Variants in CPXM2 observed in about 807,000 individuals in gnomAD.
CPXM2 encodes the protein inactive carboxypeptidase-like protein X2.
In CPXM2, 66 loss-of-function variants were observed where a neutral mutation model predicts 86.1. The observed-to-expected ratio is 0.77, with a 90% CI of 0.63 to 0.94. CPXM2 has a LOEUF of 0.94. CPXM2 is among the 40% of genes least tolerant of loss of function. The probability of loss-of-function intolerance (pLI) is 0.00; values close to 1 mark genes in which losing one functional copy is unlikely to be tolerated. For missense variants in CPXM2, 948 were observed against 1,026.3 expected (o/e 0.92, Z 1.04); for synonymous variants, 388 against 400.2 (o/e 0.97, Z 0.36).
chr10:123,788,770 T>G (rs1206248343), intron 6 of CPXM2, among the ~76,000 whole-genome samples: 2 of 151,840 alleles, frequency 1.3e-5, no homozygotes, highest in African/African-American at 4.8e-5. Flanking sequence ...GACAAAGTTT[T>G]GAAACTAGAG....
At chr10:123,774,961 T>C (rs932475626) in intron 7 of CPXM2, among the ~76,000 whole-genome samples, 1 of 152,228 alleles carries the variant, frequency 6.6e-6, no homozygotes, top group Non-Finnish European at 1.5e-5. Flanking sequence ...TCCATTTCTC[T>C]ACTAAGTCTC....
At chr10:123,859,359 T>C (rs1274794996) in intron 3 of CPXM2, among the ~76,000 whole-genome samples, 1 of 152,260 alleles carries the variant, frequency 6.6e-6, no homozygotes, top group Non-Finnish European at 1.5e-5. Context: ...TCACACTGCA[T>C]GTGGCACTGG....
chr10:123,918,303 G>C (rs983086815), intron 2 of CPXM2, among the ~76,000 whole-genome samples: 1 of 152,206 alleles, frequency 6.6e-6, no homozygotes, highest in Admixed American at 6.5e-5. Context: ...ATGCAGCCAT[G>C]AAAAATAACT....
chr10:123,880,828 CA>C (rs71484548), intron 1 of CPXM2, among the ~76,000 whole-genome samples: 86 of 53,992 alleles, frequency 1.6e-3, no homozygotes, highest in East Asian at 0.013. Context: ...GATTCCGTCT[CA>C]AAAAAAAAAA....
chr10:123,829,363 C>T (rs1171932407), intron 4 of CPXM2, among the ~76,000 whole-genome samples: 5 of 144,560 alleles, frequency 3.5e-5, no homozygotes, highest in African/African-American at 1.1e-4. Flanking sequence ...GTATAACCAA[C>T]GTGGAAAAAA....
upstream of CPXM2, among the ~76,000 whole-genome samples, chr10:123,895,119 TTC>T (rs1157197386): frequency 3.6e-4 from 44 of 121,286 alleles, no homozygotes; most frequent in Non-Finnish European, 1.1e-4. Flanking sequence ...TTTCTTTTTT[TTC>T]TTTTTTTTTT....
chr10:123,751,349 G>A (rs1156792401), intron 13 of CPXM2: 1 of 237,376 alleles, frequency 4.2e-6, no homozygotes, highest in Non-Finnish European at 6.8e-6. Flanking sequence ...GGAGACATAA[G>A]TAAACAAATT....
chr10:123,926,592 G>A (rs969692052), intron 2 of CPXM2, among the ~76,000 whole-genome samples: 5 of 152,210 alleles, frequency 3.3e-5, no homozygotes, highest in African/African-American at 7.2e-5. Flanking sequence ...AGCTGACCAC[G>A]CAAAACGGTT....
intron 2 of CPXM2, among the ~76,000 whole-genome samples, chr10:123,878,758 G>A (rs1413031123): frequency 6.6e-6 from 1 of 152,102 alleles, no homozygotes; most frequent in Non-Finnish European, 1.5e-5. Context: ...AGAAGTACCA[G>A]GATCCAATCT....
chr10:123,882,313 G>A (rs1412626564), intron 1 of CPXM2, among the ~76,000 whole-genome samples: 3 of 152,186 alleles, frequency 2.0e-5, no homozygotes, highest in Non-Finnish European at 4.4e-5. Flanking sequence ...GAGGAGGAAG[G>A]CAAGTCAGAG....
At chr10:123,876,269 T>A (rs77856865) in intron 2 of CPXM2, among the ~76,000 whole-genome samples, 2,745 of 152,308 alleles carry the variant, frequency 0.018, 79 homozygotes, top group East Asian at 0.094. Flanking sequence ...TCTACCACAA[T>A]ATGGGTACTC....
rs532230430 is a variant in CPXM2 at position 123,901,520 on chromosome 10, C to T, written n.175-21211G>A. ...GCAAGTTTTCACATTGCATTATAAG[C>T]TTGGTAGCTAAGAAACCATTTCTGT... On this transcript the variant is annotated intron_variant and non_coding_transcript_variant, in intron 2 of 19. Transcript: ENST00000368854. Among the ~76,000 whole-genome samples the T allele has an allele frequency of 3.3e-5, 5 of 149,740 alleles. No homozygotes were observed. In the South Asian group the frequency reaches 1.1e-3, roughly 32 times the overall value.
At chr10:123,840,896 C>T (rs951650008) in intron 4 of CPXM2, among the ~76,000 whole-genome samples, 25 of 152,178 alleles carry the variant, frequency 1.6e-4, no homozygotes, top group Admixed American at 1.3e-3. Context: ...TAATGTCGAC[C>T]TTCCAGAAAT....
Position 123,891,540 on chromosome 10 carries a change from G to A in CPXM2, c.120C>T (p.Ile40=). ...LEDPDYYGQE[I]WSREPYYARP... ...GCGCGTAGTAGGGCTCCCGGCTCCA[G>A]ATCTCCTGCCCGTAATAATCAGGGT... The change falls in exon 1 of 14, where the codon ATC becomes ATT. Residue 40 remains isoleucine (I), a synonymous_variant. Coordinates refer to ENST00000241305, the MANE Select transcript of CPXM2 (RefSeq NM_198148.3). This position sits in a 1 kb window ranked among gnomAD's most constrained non-coding sequence, Gnocchi z 5.6. The A allele has an allele frequency of 6.5e-7, 1 of 1,548,674 alleles. No homozygotes were observed. Among genetic ancestry groups the A allele is most frequent in the Non-Finnish European group, 8.7e-7 (1 of 1,145,728 alleles).
rs1338490577 is a variant in CPXM2 at position 123,754,581 on chromosome 10, T to C, written c.2017+82A>G. 3 of 779,146 alleles carry C rather than the reference T, an allele frequency of 3.9e-6. No individual in the cohort carries two copies. Among genetic ancestry groups the C allele is most frequent in the South Asian group, 3.0e-5 (2 of 65,920 alleles). 48.3% of individuals were successfully genotyped at this position (779,146 alleles called of 1,614,324 possible). ...CTGAGTAAGACATTTCTGGCAGTCA[T>C]TTCATGATTGTAACCCAAGTAAAAT... On this transcript the variant is annotated intron_variant, in intron 13 of 13. Coordinates refer to ENST00000241305, the MANE Select transcript of CPXM2 (RefSeq NM_198148.3). The surrounding 1 kb of genome is among the most constrained non-coding windows in gnomAD (Gnocchi z 4.0).
intron 6 of CPXM2, among the ~76,000 whole-genome samples, chr10:123,795,750 T>G (rs1309527052): frequency 6.6e-6 from 1 of 152,104 alleles, no homozygotes. Context: ...ATAGAACCAT[T>G]CTGAGTCCAT....
chr10:123,845,493 T>G (rs546380702), intron 3 of CPXM2, among the ~76,000 whole-genome samples: 3 of 152,134 alleles, frequency 2.0e-5, no homozygotes, highest in African/African-American at 7.2e-5. Flanking sequence ...AAGTTGAAAT[T>G]TTTAAAATGT....
intron 1 of CPXM2, among the ~76,000 whole-genome samples, chr10:123,886,285 TAC>T (rs3052650): frequency 0.68 from 103,001 of 151,944 alleles, 36,297 homozygotes; most frequent in African/African-American, 0.83. Context: ...TCCTAATCCT[TAC>T]ACACTCCCAT....
chr10:123,852,400 A>G (rs1308047058), intron 3 of CPXM2, among the ~76,000 whole-genome samples: 1 of 152,102 alleles, frequency 6.6e-6, no homozygotes, highest in Admixed American at 6.5e-5. Flanking sequence ...ACCTAAATCC[A>G]ACCACTTCCA....
Sources: allele counts gnomAD v4.1 joint callset (sites outside exome capture counted in the v4.1 genomes callset), GRCh38; gene constraint gnomAD v4.1.1; non-coding constraint Gnocchi (gnomAD v3.1); transcripts MANE v1.5; gene names NCBI Gene and HGNC (gene_info 2026-07-23, HGNC 2026-07-21).